FLACC1: variants seen among roughly 807,000 people sequenced by gnomAD.
The protein encoded by FLACC1 is flagellum associated containing coiled-coil domains 1, also known as flagellum-associated coiled-coil domain-containing protein 1.
Under a neutral mutation model 62.8 loss-of-function variants are expected in FLACC1, and 66 were observed. That is an observed-to-expected ratio of 1.05 (90% CI 0.86 to 1.29). The LOEUF (loss-of-function observed/expected upper bound fraction) is 1.29. Ranked by LOEUF, FLACC1 falls within the 50% of genes most tolerant of loss-of-function variation. The probability of loss-of-function intolerance (pLI) is 0.00; values close to 1 mark genes in which losing one functional copy is unlikely to be tolerated. For missense variants in FLACC1, 452 were observed against 489.1 expected (o/e 0.92, Z 0.71); for synonymous variants, 156 against 161.0 (o/e 0.97, Z 0.24).
chr2:201,363,568 G>A, the FLACC1 span, among the ~76,000 whole-genome samples: 548 of 152,018 alleles, frequency 3.6e-3, 4 homozygotes, highest in African/African-American at 0.013. Context: ...TCAGGCATTC[G>A]GAGCACCCAT....
At chr2:201,290,906 T>A (rs1177583561) in intron 12 of FLACC1, among the ~76,000 whole-genome samples, 2 of 152,226 alleles carry the variant, frequency 1.3e-5, no homozygotes, top group African/African-American at 4.8e-5. Context: ...CATAAGGTCC[T>A]ACGCCCACGG....
At chr2:201,363,655 T>C in the FLACC1 span, among the ~76,000 whole-genome samples, 1 of 151,396 alleles carries the variant, frequency 6.6e-6, no homozygotes, top group East Asian at 2.0e-4. Flanking sequence ...CTCTCCTCCA[T>C]GCTCAGGCAG....
At chr2:201,338,737 C>T (rs941375982) in intron 7 of FLACC1, among the ~76,000 whole-genome samples, 2 of 152,132 alleles carry the variant, frequency 1.3e-5, no homozygotes. Context: ...GCTGAACCAT[C>T]CTTGCATTTC....
At chr2:201,308,161 G>A (rs1371181182) in intron 10 of FLACC1, among the ~76,000 whole-genome samples, 5 of 152,324 alleles carry the variant, frequency 3.3e-5, no homozygotes, top group African/African-American at 7.2e-5. Flanking sequence ...GTCTGACAGC[G>A]TAAGCCTCTG....
At chr2:201,332,182 T>G (rs1226777270) in intron 7 of FLACC1, among the ~76,000 whole-genome samples, 16 of 152,126 alleles carry the variant, frequency 1.1e-4, no homozygotes, top group Non-Finnish European at 8.8e-5. Flanking sequence ...TTATGATTTA[T>G]GAATACAATG....
chr2:201,350,442 G>C (rs1420327501), intron 3 of FLACC1, among the ~76,000 whole-genome samples: 1 of 152,004 alleles, frequency 6.6e-6, no homozygotes, highest in African/African-American at 2.4e-5. Flanking sequence ...ACTTTGGGAG[G>C]CTCAGGCGGG....
chr2:201,297,491 G>A (rs993092691), intron 12 of FLACC1, among the ~76,000 whole-genome samples: 4 of 152,152 alleles, frequency 2.6e-5, no homozygotes, highest in Non-Finnish European at 5.9e-5. Context: ...TGACCAATGA[G>A]GTGAAGGAAA....
rs754614230 is a variant in FLACC1 at position 201,346,505 on chromosome 2, A to G, written c.368+37T>C. The G allele has an allele frequency of 2.5e-6, 4 of 1,609,276 alleles. No homozygotes were observed. Among genetic ancestry groups the G allele is most frequent in the Non-Finnish European group, 3.4e-6 (4 of 1,179,426 alleles). ...AGGCCGGGCTGAGCTGGGTGGGAGT[A>G]GCCCCAAGCAGCTGCATGTTGCTGC... On this transcript the variant is annotated intron_variant, in intron 5 of 14. Coordinates refer to ENST00000392257, the MANE Select transcript of FLACC1 (RefSeq NM_001127391.3). The surrounding 1 kb of genome is among the most constrained non-coding windows in gnomAD (Gnocchi z 4.0).
chr2:201,302,226 A>T (rs1383549074), intron 11 of FLACC1, among the ~76,000 whole-genome samples: 1 of 152,226 alleles, frequency 6.6e-6, no homozygotes. Context: ...AAATAAAAGG[A>T]TGGAGTAAGA....
At chr2:201,362,305 T>C (rs768413346), upstream of FLACC1, among the ~76,000 whole-genome samples, 1 of 151,924 alleles carries the variant, frequency 6.6e-6, no homozygotes, top group Non-Finnish European at 1.5e-5. Flanking sequence ...TAATTCTAAA[T>C]GGATACTGAG....
chr2:201,358,517 C>T (rs1016414780), upstream of FLACC1, among the ~76,000 whole-genome samples: 4 of 149,600 alleles, frequency 2.7e-5, no homozygotes, highest in South Asian at 4.2e-4. Flanking sequence ...CCCGGGTTCA[C>T]GCCATTCTCC....
chr2:201,347,715 G>A (rs1487849449), intron 4 of FLACC1, among the ~76,000 whole-genome samples: 3 of 151,986 alleles, frequency 2.0e-5, no homozygotes, highest in Admixed American at 6.6e-5. Context: ...CCACCAAAGG[G>A]TGCTTTTTCT....
intron 7 of FLACC1, among the ~76,000 whole-genome samples, chr2:201,337,944 T>C (rs1486263692): frequency 1.3e-5 from 2 of 152,244 alleles, no homozygotes; most frequent in Non-Finnish European, 2.9e-5. Context: ...TTTTTCTATT[T>C]CTGTGAAAAG....
At chr2:201,302,424 C>A (rs923478575) in intron 11 of FLACC1, among the ~76,000 whole-genome samples, 2 of 152,174 alleles carry the variant, frequency 1.3e-5, no homozygotes, top group African/African-American at 2.4e-5. Context: ...CAGCCAGATT[C>A]ATAAAGTAAG....
chr2:201,335,580 T>C (rs1450248183), intron 7 of FLACC1, among the ~76,000 whole-genome samples: 1 of 152,206 alleles, frequency 6.6e-6, no homozygotes, highest in African/African-American at 2.4e-5. Context: ...TTTGGGTTAC[T>C]ATAGCTTTGT....
At chr2:201,338,867 T>G (rs1950747874) in intron 7 of FLACC1, among the ~76,000 whole-genome samples, 1 of 152,178 alleles carries the variant, frequency 6.6e-6, no homozygotes, top group African/African-American at 2.4e-5. Flanking sequence ...GATCCGTGGT[T>G]TTCTTTTTCC....
chr2:201,294,730 T>C (rs1480327880), intron 12 of FLACC1, among the ~76,000 whole-genome samples: 1 of 152,200 alleles, frequency 6.6e-6, no homozygotes, highest in Non-Finnish European at 1.5e-5. Flanking sequence ...GGAAGTCAAA[T>C]TGTCCCTGTT....
intron 3 of FLACC1, among the ~76,000 whole-genome samples, chr2:201,349,380 G>A (rs754004040): frequency 2.6e-5 from 4 of 152,220 alleles, no homozygotes; most frequent in African/African-American, 7.2e-5. Flanking sequence ...ACCTCTCTAC[G>A]TAAAGTATCC....
chr2:201,304,685 C>T (rs543742179), intron 11 of FLACC1, among the ~76,000 whole-genome samples: 2 of 152,274 alleles, frequency 1.3e-5, no homozygotes, highest in Admixed American at 1.3e-4. Context: ...TCAAACTATA[C>T]TACAAGGCTA....
Sources: gnomAD v4.1 joint callset for allele counts (sites outside exome capture counted in the v4.1 genomes callset) on GRCh38, gnomAD v4.1.1 for gene constraint, Gnocchi (gnomAD v3.1) non-coding constraint, MANE v1.5 for transcripts, NCBI Gene and HGNC (gene_info 2026-07-23, HGNC 2026-07-21) for gene names.